LRRC49: variants seen among roughly 807,000 people sequenced by gnomAD.
The protein encoded by LRRC49 is leucine-rich repeat-containing protein 49.
In LRRC49, 50 loss-of-function variants were observed where a neutral mutation model predicts 83.3. That is an observed-to-expected ratio of 0.60 (90% CI 0.48 to 0.76). The LOEUF (loss-of-function observed/expected upper bound fraction) is 0.76, where lower values mean the gene tolerates loss of function less well. LRRC49 is among the 30% of genes least tolerant of loss of function. LRRC49 has a pLI of 0.00. For synonymous variants in LRRC49, 286 were observed against 283.3 expected (o/e 1.01, Z -0.10); for missense variants, 704 against 809.1 (o/e 0.87, Z 1.58).
Position 71,051,884 on chromosome 15 carries a change from C to T in LRRC49, c.*2272C>T, listed in dbSNP as rs2039999078. On this transcript the variant is annotated 3_prime_UTR_variant, in exon 16 of 16. Transcript: ENST00000260382. Reference sequence around the variant, plus strand: ...TTCCTGAAACCAAGCCTCTTTATTCCTCAGCTTTGGTCTCTGCTTCCTTCC... The same window carrying T: ...TTCCTGAAACCAAGCCTCTTTATTCTTCAGCTTTGGTCTCTGCTTCCTTCC... 6.6e-6 allele frequency: 1 copy of T among 152,570 alleles called. No individual in the cohort carries two copies. Among genetic ancestry groups the T allele is most frequent in the Non-Finnish European group, 1.5e-5 (1 of 68,346 alleles). 9.5% of individuals were successfully genotyped at this position (152,570 alleles called of 1,614,324 possible). A position where few individuals can be genotyped will look rare whatever the true frequency, so the allele number is the denominator to read the frequency against.
intron 9 of LRRC49, among the ~76,000 whole-genome samples, chr15:70,974,629 C>G (rs1349423873): frequency 6.6e-6 from 1 of 151,564 alleles, no homozygotes; most frequent in Non-Finnish European, 1.5e-5. Flanking sequence ...CAGGGTTTGG[C>G]AAACTACAGC....
At chr15:70,953,107 TG>T (rs967982434) in intron 8 of LRRC49, among the ~76,000 whole-genome samples, 4 of 152,170 alleles carry the variant, frequency 2.6e-5, no homozygotes, top group Non-Finnish European at 5.9e-5. Flanking sequence ...CCCTTTTAAG[TG>T]GGGGCATTTA....
At chr15:71,043,802 T>G (rs2039767372) in intron 15 of LRRC49, among the ~76,000 whole-genome samples, 1 of 152,228 alleles carries the variant, frequency 6.6e-6, no homozygotes, top group African/African-American at 2.4e-5. Context: ...GTGCCAGTTA[T>G]GAAGAATTTA....
chr15:70,930,584 T>C (rs796762503), intron 7 of LRRC49, among the ~76,000 whole-genome samples: 12 of 152,352 alleles, frequency 7.9e-5, no homozygotes, highest in African/African-American at 2.9e-4. Context: ...TGAAGTTAGT[T>C]ATTGACTTCT....
At position 70,893,550 on chromosome 15, in the gene LRRC49, G is replaced by A. The variant is rs759283592; in HGVS notation, c.49-34G>A. ...TTGGAAATATGTGTTTGTGTATTAA[G>A]AGCAAATTTTATGGTTTAATTTTTA... On this transcript the variant is annotated intron_variant, in intron 1 of 15. Transcript: ENST00000260382. The A allele has an allele frequency of 1.4e-5, 20 of 1,411,290 alleles. No homozygotes were observed. In the Admixed American group the frequency reaches 3.0e-4, roughly 21 times the overall value. 87.4% of individuals were successfully genotyped at this position (1,411,290 alleles called of 1,614,324 possible).
At chr15:70,955,924 G>A (rs976764048) in intron 8 of LRRC49, among the ~76,000 whole-genome samples, 2 of 152,068 alleles carry the variant, frequency 1.3e-5, no homozygotes, top group Non-Finnish European at 2.9e-5. Context: ...GTCCTTGTGA[G>A]CACGCTTGAT....
chr15:70,904,404 A>C, intron 4 of LRRC49, 148 bp from the exon 5 acceptor site: 1 of 517,648 alleles, frequency 1.9e-6, no homozygotes, highest in Non-Finnish European at 3.4e-6. Context: ...AATTAAATAT[A>C]GGTCGCTTAG....
chr15:70,907,908 C>A, intron 5 of LRRC49: 1 of 452,916 alleles, frequency 2.2e-6, no homozygotes, highest in Non-Finnish European at 4.5e-6. Flanking sequence ...TCTGCAAATT[C>A]CTCACATCAA....
intron 8 of LRRC49, among the ~76,000 whole-genome samples, chr15:70,959,802 A>G (rs80254010): frequency 0.047 from 7,168 of 152,262 alleles, 562 homozygotes; most frequent in African/African-American, 0.16. Context: ...AGAAAAAGTT[A>G]GAGGAGTCAC....
rs1054574134 is a variant in LRRC49 at position 70,989,953 on chromosome 15, G to C, written c.1169+5696G>C. ...GGTGGCGGCAGAACAGCGGATTTTT[G>C]TGAACCGCGAATGCTGCTGTCTGAT... On this transcript the variant is annotated intron_variant, in intron 11 of 15. Coordinates refer to ENST00000260382, the MANE Select transcript of LRRC49 (RefSeq NM_017691.5). Among the ~76,000 whole-genome samples the C allele has an allele frequency of 5.9e-5, 9 of 152,274 alleles. No individual in the cohort carries two copies. In the South Asian group the frequency reaches 8.3e-4, roughly 14 times the overall value.
chr15:70,915,016 C>T (rs1196894171), intron 6 of LRRC49, among the ~76,000 whole-genome samples: 2 of 152,188 alleles, frequency 1.3e-5, no homozygotes, highest in Admixed American at 1.3e-4. Flanking sequence ...ATGGGCTTTC[C>T]AACATTCCCA....
chr15:70,946,415 C>T (rs186960520), intron 8 of LRRC49, among the ~76,000 whole-genome samples: 135 of 152,230 alleles, frequency 8.9e-4, no homozygotes, highest in South Asian at 3.1e-3. Context: ...TCAAAAATTA[C>T]AGGATTTACT....
chr15:70,950,892 G>A (rs2036193055), intron 8 of LRRC49, among the ~76,000 whole-genome samples: 2 of 152,216 alleles, frequency 1.3e-5, no homozygotes, highest in East Asian at 1.9e-4. Flanking sequence ...ATTGGTTTAG[G>A]TCTTAGATTT....
rs532788652 is a variant in LRRC49, at chr15:70,928,230, G to A, written c.712-8531G>A. ...TTCTAGCTCTTTTGCCCTTTCTACCGCATCTATATAGTAAGTAGAGATATT... is the reference window on the plus strand; with the variant it reads ...TTCTAGCTCTTTTGCCCTTTCTACCACATCTATATAGTAAGTAGAGATATT... On this transcript the variant is annotated intron_variant, in intron 7 of 15. Transcript: ENST00000260382. Among the ~76,000 whole-genome samples the A allele has an allele frequency of 1.3e-4, 20 of 151,904 alleles. No homozygotes were observed. The East Asian group carries it at 1.5e-3, about 12-fold the overall frequency.
chr15:70,872,189 C>A (rs888131476), intron 1 of LRRC49, among the ~76,000 whole-genome samples: 3 of 152,208 alleles, frequency 2.0e-5, no homozygotes, highest in Non-Finnish European at 4.4e-5. Context: ...CGGTCAGGAG[C>A]TGGAGACCAG....
intron 6 of LRRC49, among the ~76,000 whole-genome samples, chr15:70,917,192 C>T (rs576958334): frequency 8.5e-5 from 13 of 152,270 alleles, no homozygotes; most frequent in African/African-American, 3.1e-4. Flanking sequence ...TGCAGGTGCC[C>T]CTTCATACTT....
intron 11 of LRRC49, among the ~76,000 whole-genome samples, chr15:70,985,514 C>A (rs540085635): frequency 1.7e-3 from 251 of 151,948 alleles, no homozygotes; most frequent in African/African-American, 5.8e-3. Context: ...AGTTCATTGT[C>A]GATTCTGGAT....
chr15:71,025,235 A>G (rs938020601), intron 14 of LRRC49, among the ~76,000 whole-genome samples: 7 of 152,218 alleles, frequency 4.6e-5, no homozygotes, highest in African/African-American at 1.4e-4. Flanking sequence ...CAACCCCAAG[A>G]CACACAATTA....
intron 14 of LRRC49, among the ~76,000 whole-genome samples, chr15:71,036,622 G>T (rs544867633): frequency 2.1e-4 from 32 of 152,170 alleles, no homozygotes; most frequent in Middle Eastern, 3.4e-3. Context: ...ATCAAATGAG[G>T]CTTCTTGTTT....
Sources: gnomAD v4.1 joint callset for allele counts (sites outside exome capture counted in the v4.1 genomes callset) on GRCh38, gnomAD v4.1.1 for gene constraint, MANE v1.5 for transcripts, NCBI Gene and HGNC (gene_info 2026-07-23, HGNC 2026-07-21) for gene names.